The following UBE2E2 variants were observed in gnomAD, a reference collection of about 807,000 sequenced individuals.
UBE2E2 encodes ubiquitin-conjugating enzyme E2 E2.
Under a neutral mutation model 24.7 loss-of-function variants are expected in UBE2E2, and 6 were observed. That is an observed-to-expected ratio of 0.24 (90% CI 0.13 to 0.48). The LOEUF is 0.48. Ranked by LOEUF, UBE2E2 falls within the 20% of genes least tolerant of loss-of-function variation. The probability of loss-of-function intolerance (pLI) is 0.99; values close to 1 mark genes in which losing one functional copy is unlikely to be tolerated. For synonymous variants in UBE2E2, 104 were observed against 83.6 expected (o/e 1.24, Z -1.33); for missense variants, 169 against 245.0 (o/e 0.69, Z 2.07).
At chr3:23,328,951 C>A (rs1481301747) in intron 3 of UBE2E2, among the ~76,000 whole-genome samples, 1 of 152,194 alleles carries the variant, frequency 6.6e-6, no homozygotes, top group Non-Finnish European at 1.5e-5. Flanking sequence ...CATGAGCCAT[C>A]GTGCCCGGCC....
intron 3 of UBE2E2, among the ~76,000 whole-genome samples, chr3:23,343,791 A>T (rs887651677): frequency 6.6e-6 from 1 of 152,074 alleles, no homozygotes; most frequent in Non-Finnish European, 1.5e-5. Context: ...CTGTTTTGGG[A>T]CTGTACATAA....
At chr3:23,330,046 AC>A (rs1695017435) in intron 3 of UBE2E2, among the ~76,000 whole-genome samples, 1 of 152,174 alleles carries the variant, frequency 6.6e-6, no homozygotes, top group Non-Finnish European at 1.5e-5. Flanking sequence ...CTGTGATGCT[AC>A]CCCATACATT....
At chr3:23,302,727 A>T (rs545600210) in intron 3 of UBE2E2, among the ~76,000 whole-genome samples, 1 of 152,350 alleles carries the variant, frequency 6.6e-6, no homozygotes, top group East Asian at 1.9e-4. Flanking sequence ...TCCTATATAC[A>T]GCTTGCCTGA....
intron 3 of UBE2E2, among the ~76,000 whole-genome samples, chr3:23,307,496 A>G (rs1000455017): frequency 2.6e-5 from 4 of 152,170 alleles, no homozygotes; most frequent in African/African-American, 9.7e-5. Context: ...TATCATTTAA[A>G]TAGGACTTTG....
At chr3:23,561,828 G>C (rs1433571320) in intron 5 of UBE2E2, among the ~76,000 whole-genome samples, 1 of 152,126 alleles carries the variant, frequency 6.6e-6, no homozygotes, top group African/African-American at 2.4e-5. Flanking sequence ...TATTCTCTCT[G>C]AAGCAATTGT....
chr3:23,313,672 G>A (rs1310258264), intron 3 of UBE2E2, among the ~76,000 whole-genome samples: 2 of 151,790 alleles, frequency 1.3e-5, no homozygotes, highest in African/African-American at 2.4e-5. Flanking sequence ...TGTGAGCCCC[G>A]GTGCCCAGCC....
At chr3:23,343,235 GA>G (rs59043029) in intron 3 of UBE2E2, among the ~76,000 whole-genome samples, 18 of 147,664 alleles carry the variant, frequency 1.2e-4, no homozygotes, top group South Asian at 2.2e-4. Flanking sequence ...GTCTAAAATG[GA>G]AAAAAAAAAG....
At chr3:23,307,756 A>G (rs1401170436) in intron 3 of UBE2E2, among the ~76,000 whole-genome samples, 1 of 152,194 alleles carries the variant, frequency 6.6e-6, no homozygotes, top group Non-Finnish European at 1.5e-5. Flanking sequence ...TTAAAATACT[A>G]TAGGGTTTTA....
intron 3 of UBE2E2, among the ~76,000 whole-genome samples, chr3:23,249,653 A>ATT (rs201067293): frequency 3.7e-4 from 55 of 148,660 alleles, no homozygotes; most frequent in East Asian, 9.9e-4. Flanking sequence ...ATTAACTCAG[A>ATT]TTTTTTTTTT....
intron 3 of UBE2E2, among the ~76,000 whole-genome samples, chr3:23,480,980 A>G (rs982909207): frequency 1.3e-5 from 2 of 152,216 alleles, no homozygotes; most frequent in Non-Finnish European, 2.9e-5. Flanking sequence ...TATTGTTTCC[A>G]ATGATTTGGA....
chr3:23,570,234 ACATGGTTGT>A (rs1481949553), intron 5 of UBE2E2, among the ~76,000 whole-genome samples: 4 of 152,076 alleles, frequency 2.6e-5, no homozygotes, highest in African/African-American at 9.7e-5. Flanking sequence ...ACCTAATTTC[ACATGGTTGT>A]CATCTTCCTG....
chr3:23,558,931 C>T (rs1235986478), intron 5 of UBE2E2, among the ~76,000 whole-genome samples: 1 of 152,058 alleles, frequency 6.6e-6, no homozygotes, highest in Non-Finnish European at 1.5e-5. Context: ...GATCTGAGTG[C>T]TAAAAATAAA....
At chr3:23,515,694 C>T (rs1472781135) in intron 4 of UBE2E2, among the ~76,000 whole-genome samples, 1 of 151,858 alleles carries the variant, frequency 6.6e-6, no homozygotes, top group Non-Finnish European at 1.5e-5. Context: ...CAGTGGCTAA[C>T]GCCTATAATC....
rs145649028 is a variant in UBE2E2, at chr3:23,266,048, G to A, written c.227+48736G>A. ...TTTGAGCCTATGTGTGTGTCTGCAC[G>A]TGAGATGGGTTCCCTGAATACAGCA... On this transcript the variant is annotated intron_variant, in intron 3 of 5. Coordinates refer to ENST00000396703, the MANE Select transcript of UBE2E2 (RefSeq NM_152653.4). 7.4e-3 allele frequency among the ~76,000 whole-genome samples: 1,129 copies of A among 152,282 alleles called. 12 individuals carry two copies. The highest frequency in any genetic ancestry group is 0.025 in the African/African-American group (1,052 of 41,548).
chr3:23,208,770 G>A lies in UBE2E2; in HGVS notation c.71G>A (p.Arg24His), dbSNP rs749742193. 6.8e-6 allele frequency: 11 copies of A among 1,613,626 alleles called. No homozygotes were observed. The highest frequency in any genetic ancestry group is 2.7e-5 in the African/African-American group (2 of 74,900). The change falls in exon 2 of 6, where the codon CGT becomes CAT. Residue 24 changes from arginine to histidine, a missense_variant. By Grantham distance (29) the Arg-to-His change is conservative. Around this residue, in one of 2 missense-constraint regions of UBE2E2, gnomAD observed 64 missense variants for 64.3 expected, o/e 1.00. Transcript: ENST00000396703. Reference sequence around the variant, plus strand: ...GGAGGAAGTTCCGATGGAGATCAACGTGAAAGTGTTCAGCAAGAACCAGAA... The same window carrying A: ...GGAGGAAGTTCCGATGGAGATCAACATGAAAGTGTTCAGCAAGAACCAGAA... ...TSGGSSDGDQRESVQQEPERE... is the reference protein window; with the variant it reads ...TSGGSSDGDQHESVQQEPERE...
intron 3 of UBE2E2, among the ~76,000 whole-genome samples, chr3:23,489,665 G>C (rs958821782): frequency 2.0e-5 from 3 of 152,182 alleles, no homozygotes; most frequent in South Asian, 2.1e-4. Flanking sequence ...GAACAATGGG[G>C]AGAGCCTGTA....
At chr3:23,373,827 A>G (rs1001077793) in intron 3 of UBE2E2, among the ~76,000 whole-genome samples, 1 of 152,216 alleles carries the variant, frequency 6.6e-6, no homozygotes, top group African/African-American at 2.4e-5. Flanking sequence ...CACTATACAC[A>G]TAACAAAAAT....
intron 3 of UBE2E2, among the ~76,000 whole-genome samples, chr3:23,252,538 C>G (rs1697603802): frequency 1.3e-5 from 2 of 152,256 alleles, no homozygotes; most frequent in African/African-American, 4.8e-5. Context: ...GCTCTGGCGC[C>G]TAGGCTGGAG....
At chr3:23,456,588 C>G (rs1303760870) in intron 3 of UBE2E2, among the ~76,000 whole-genome samples, 2 of 152,208 alleles carry the variant, frequency 1.3e-5, no homozygotes, top group African/African-American at 2.4e-5. Context: ...CTTCGGTGAC[C>G]AGGTGCATTG....
Sources: allele counts gnomAD v4.1 joint callset (sites outside exome capture counted in the v4.1 genomes callset), GRCh38; gene constraint gnomAD v4.1.1; regional missense constraint gnomAD v4.1.1; transcripts MANE v1.5; gene names NCBI Gene and HGNC (gene_info 2026-07-23, HGNC 2026-07-21).